Variants in ZC3H12B observed in about 807,000 individuals in gnomAD.
ZC3H12B encodes the protein probable ribonuclease ZC3H12B.
In ZC3H12B, 7 loss-of-function variants were observed where a neutral mutation model predicts 43.9. The ratio of observed to expected loss-of-function variants is 0.16; its 90% CI spans 0.09 to 0.30. ZC3H12B has a LOEUF of 0.30. Among genes scored for constraint, ZC3H12B ranks in the 10% least tolerant of loss-of-function variants. ZC3H12B has a pLI of 1.00. For synonymous variants in ZC3H12B, 222 were observed against 241.7 expected, an observed-to-expected ratio of 0.92 and a Z score of 0.76; for missense variants, 475 against 670.2, an observed-to-expected ratio of 0.71 and a Z score of 3.22.
At chrX:65,307,031 T>C in the ZC3H12B span, among the ~76,000 whole-genome samples, 1 of 112,551 alleles carries the variant, frequency 8.9e-6, no homozygotes, top group Non-Finnish European at 1.9e-5. Flanking sequence ...GAATTAACTA[T>C]ATTGAAGCAT....
chrX:65,232,377 G>A, the ZC3H12B span, among the ~76,000 whole-genome samples: 2 of 111,450 alleles, frequency 1.8e-5, no homozygotes, highest in African/African-American at 6.5e-5. Flanking sequence ...CCCTCCGTTC[G>A]GGGTCCCTGA....
intron 2 of ZC3H12B, among the ~76,000 whole-genome samples, chrX:65,381,210 T>A (rs1463136405): frequency 1.0e-4 from 11 of 110,283 alleles, no homozygotes; most frequent in Non-Finnish European, 1.9e-4. Flanking sequence ...GAAGTAAAGC[T>A]CTCCTCAGCA....
the ZC3H12B span, among the ~76,000 whole-genome samples, chrX:65,229,185 G>GAT: frequency 2.7e-5 from 3 of 110,734 alleles, no homozygotes; most frequent in Non-Finnish European, 5.7e-5. Context: ...CCAAAACAGA[G>GAT]ATATAGATCA....
At chrX:65,198,744 T>C in the ZC3H12B span, among the ~76,000 whole-genome samples, 8 of 111,972 alleles carry the variant, frequency 7.1e-5, no homozygotes, top group Non-Finnish European at 1.1e-4. Flanking sequence ...TTTCTTTCTC[T>C]AGGTTTGGGA....
At chrX:65,089,945 CCTT>C in the ZC3H12B span, among the ~76,000 whole-genome samples, 1 of 111,418 alleles carries the variant, frequency 9.0e-6, no homozygotes, top group Admixed American at 9.5e-5. Flanking sequence ...GATAACAATG[CCTT>C]CTTCTGGAAT....
the ZC3H12B span, among the ~76,000 whole-genome samples, chrX:65,092,241 C>A: frequency 9.0e-6 from 1 of 111,667 alleles, no homozygotes; most frequent in African/African-American, 3.3e-5. Context: ...AATATCTTTT[C>A]TTTATAAATT....
the ZC3H12B span, among the ~76,000 whole-genome samples, chrX:65,105,081 G>T: frequency 1.8e-5 from 2 of 111,424 alleles, no homozygotes; most frequent in Non-Finnish European, 3.8e-5. Flanking sequence ...GCCATAAAAA[G>T]AATGAGTTCC....
At chrX:65,213,265 A>T in the ZC3H12B span, among the ~76,000 whole-genome samples, 2 of 110,440 alleles carry the variant, frequency 1.8e-5, no homozygotes, top group African/African-American at 6.6e-5. Flanking sequence ...AATATTTTTT[A>T]TACTCTATCT....
At chrX:65,218,614 C>T in the ZC3H12B span, among the ~76,000 whole-genome samples, 1 of 110,531 alleles carries the variant, frequency 9.0e-6, no homozygotes, top group African/African-American at 3.3e-5. Context: ...GGAAACATAA[C>T]TTCATTGCCC....
At chrX:65,266,381 CA>C in the ZC3H12B span, among the ~76,000 whole-genome samples, 258 of 111,676 alleles carry the variant, frequency 2.3e-3, 2 homozygotes, top group African/African-American at 7.8e-3. Flanking sequence ...TCTGCCCTGG[CA>C]AAGCTTTAAA....
At chrX:65,410,907 C>A (rs2066896352) in intron 3 of ZC3H12B, among the ~76,000 whole-genome samples, 1 of 111,985 alleles carries the variant, frequency 8.9e-6, no homozygotes, top group Admixed American at 9.5e-5. Flanking sequence ...GAGACTACTA[C>A]AAATACTAAA....
the ZC3H12B span, among the ~76,000 whole-genome samples, chrX:65,155,807 C>T: frequency 1.8e-5 from 2 of 110,322 alleles, no homozygotes; most frequent in African/African-American, 6.6e-5. Context: ...CTACAGAGAG[C>T]ATGATCACAT....
the ZC3H12B span, among the ~76,000 whole-genome samples, chrX:65,343,147 T>C: frequency 9.0e-6 from 1 of 111,131 alleles, no homozygotes; most frequent in East Asian, 2.8e-4. Context: ...AGACCAATAA[T>C]AAGTTCTGAA....
At chrX:65,257,074 A>G in the ZC3H12B span, among the ~76,000 whole-genome samples, 1 of 112,013 alleles carries the variant, frequency 8.9e-6, no homozygotes, top group Non-Finnish European at 1.9e-5. Context: ...AACTAGAAAT[A>G]CCATTTGATC....
chrX:65,391,563 A>G (rs2066616450), intron 2 of ZC3H12B, among the ~76,000 whole-genome samples: 1 of 111,652 alleles, frequency 9.0e-6, no homozygotes, highest in African/African-American at 3.3e-5. Flanking sequence ...GGGGCCCAAC[A>G]GGATGGAGGG....
the ZC3H12B span, among the ~76,000 whole-genome samples, chrX:65,297,304 A>G: frequency 9.0e-6 from 1 of 111,431 alleles, no homozygotes; most frequent in Non-Finnish European, 1.9e-5. Flanking sequence ...GTAAATTTTC[A>G]GGGTACAAAA....
the ZC3H12B span, among the ~76,000 whole-genome samples, chrX:65,141,152 T>G: frequency 1.8e-3 from 204 of 111,042 alleles, 1 homozygote; most frequent in African/African-American, 6.3e-3. Flanking sequence ...GTTGTTTATT[T>G]AAGATCTTTC....
At chrX:65,160,695 T>A in the ZC3H12B span, among the ~76,000 whole-genome samples, 1 of 111,759 alleles carries the variant, frequency 8.9e-6, no homozygotes, top group Non-Finnish European at 1.9e-5. Flanking sequence ...ATTTTGTTGA[T>A]CCTTTCAAAA....
the ZC3H12B span, among the ~76,000 whole-genome samples, chrX:65,061,290 A>G: frequency 3.6e-5 from 4 of 111,033 alleles, no homozygotes; most frequent in East Asian, 1.1e-3. Context: ...TGCATTAGAT[A>G]TTTCTCCTAA....
Sources: gnomAD v4.1 joint callset for allele counts (sites outside exome capture counted in the v4.1 genomes callset) on GRCh38, gnomAD v4.1.1 for gene constraint, MANE v1.5 for transcripts, NCBI Gene and HGNC (gene_info 2026-07-23, HGNC 2026-07-21) for gene names.